Variants in PDE4D observed in about 807,000 individuals in gnomAD.
PDE4D encodes phosphodiesterase 4D.
In PDE4D, 24 loss-of-function variants were observed where a neutral mutation model predicts 87.4. That is an observed-to-expected ratio of 0.27 (90% CI 0.20 to 0.39). PDE4D has a LOEUF of 0.39. PDE4D is among the 10% of genes least tolerant of loss of function. The pLI is 1.00. For missense variants in PDE4D, 714 were observed against 1,041.0 expected (o/e 0.69, Z 4.32); for synonymous variants, 384 against 383.2 (o/e 1.00, Z -0.02).
chr5:59,649,904 CCTT>C lies in PDE4D; in HGVS notation c.455+243261_455+243263del, dbSNP rs1444738629. On this transcript the variant is annotated intron_variant, in intron 1 of 14. Coordinates refer to ENST00000340635, the MANE Select transcript of PDE4D (RefSeq NM_001104631.2). ...TGTTAAAATGTTGATAGTTTGTGAACCTTTTTTTTTTTTTTTTTTTTTTTTTTT... is the reference window on the plus strand; with the variant it reads ...TGTTAAAATGTTGATAGTTTGTGAACTTTTTTTTTTTTTTTTTTTTTTTTT... Among the ~76,000 whole-genome samples, 544 of 73,962 alleles carry C rather than the reference CCTT, an allele frequency of 7.4e-3. 134 individuals are homozygous for C. The highest frequency in any genetic ancestry group is 0.025 in the African/African-American group (475 of 19,064). The allele number at this position is 73,962 out of a possible 152,430, so 48.5% of individuals were successfully genotyped here.
chr5:59,210,814 G>A (rs61584344), intron 2 of PDE4D, among the ~76,000 whole-genome samples: 20,703 of 152,104 alleles, frequency 0.14, 2,335 homozygotes, highest in African/African-American at 0.31. Context: ...AGTTATCCAG[G>A]TGAATTGAGT....
At chr5:59,051,289 A>G (rs767521384) in intron 5 of PDE4D, among the ~76,000 whole-genome samples, 2 of 152,172 alleles carry the variant, frequency 1.3e-5, no homozygotes, top group South Asian at 2.1e-4. Context: ...AGGAGAATCA[A>G]TTGAACCCTG....
chr5:60,173,542 T>C (rs1358936296), intron 2 of PDE4D, among the ~76,000 whole-genome samples: 3 of 151,968 alleles, frequency 2.0e-5, no homozygotes, highest in African/African-American at 7.3e-5. Flanking sequence ...TTATGAATGA[T>C]GGCTGTAACA....
chr5:60,466,892 C>A (rs1363267041), intron 1 of PDE4D, among the ~76,000 whole-genome samples: 1 of 151,820 alleles, frequency 6.6e-6, no homozygotes, highest in Non-Finnish European at 1.5e-5. Context: ...CAGCCCACCC[C>A]CACCCAGTAT....
At chr5:59,046,398 AAGAG>A (rs1464687103) in intron 5 of PDE4D, among the ~76,000 whole-genome samples, 3 of 149,294 alleles carry the variant, frequency 2.0e-5, no homozygotes, top group East Asian at 2.1e-4. Context: ...AAGGGCATGA[AAGAG>A]TGAGAGAGAG....
chr5:59,167,230 C>T (rs76838632), intron 5 of PDE4D, among the ~76,000 whole-genome samples: 3,381 of 152,270 alleles, frequency 0.022, 127 homozygotes, highest in African/African-American at 0.077. Context: ...CCCCAATTTT[C>T]TGACCCCTGA....
At chr5:59,300,746 C>G (rs1770067117) in intron 1 of PDE4D, among the ~76,000 whole-genome samples, 1 of 152,050 alleles carries the variant, frequency 6.6e-6, no homozygotes, top group Non-Finnish European at 1.5e-5. Flanking sequence ...CGCTGTCTAC[C>G]TGGAGATAAT....
Position 59,038,453 on chromosome 5 carries a change from T to G in PDE4D, c.921+406A>C, listed in dbSNP as rs111793175. On this transcript the variant is annotated intron_variant, in intron 6 of 14. Transcript: ENST00000340635. ...ATTAGGGTGAAGGTTCCAAGTTCGA[T>G]GAACTCTTCTGAGTTTGAGTGCCCT... Among the ~76,000 whole-genome samples, 541 of 152,314 alleles carry G rather than the reference T, an allele frequency of 3.6e-3. 5 individuals carry two copies. The highest frequency in any genetic ancestry group is 0.012 in the African/African-American group (517 of 41,572).
At chr5:59,163,355 T>C (rs927935288) in intron 5 of PDE4D, among the ~76,000 whole-genome samples, 3 of 150,096 alleles carry the variant, frequency 2.0e-5, no homozygotes, top group African/African-American at 7.4e-5. Context: ...CACCACAACC[T>C]CTGCCTCCCA....
chr5:59,656,495 T>C (rs1171646634), intron 1 of PDE4D, among the ~76,000 whole-genome samples: 1 of 152,232 alleles, frequency 6.6e-6, no homozygotes, highest in African/African-American at 2.4e-5. Flanking sequence ...CCACGTGTCA[T>C]GTGGCTGACC....
At chr5:59,458,774 G>A (rs1177455676) in intron 1 of PDE4D, among the ~76,000 whole-genome samples, 1 of 152,172 alleles carries the variant, frequency 6.6e-6, no homozygotes, top group Non-Finnish European at 1.5e-5. Context: ...AACTGACATA[G>A]TTCTGTCAGT....
At chr5:59,879,301 T>A (rs1299317750) in intron 1 of PDE4D, among the ~76,000 whole-genome samples, 1 of 152,206 alleles carries the variant, frequency 6.6e-6, no homozygotes, top group Non-Finnish European at 1.5e-5. Context: ...TTAAGGAATC[T>A]TTAGCAAAGC....
chr5:60,322,783 T>C (rs1756434486), intron 1 of PDE4D, among the ~76,000 whole-genome samples: 1 of 152,232 alleles, frequency 6.6e-6, no homozygotes, highest in African/African-American at 2.4e-5. Flanking sequence ...TTATAAGTTT[T>C]GTCTCTCTGT....
chr5:59,996,720 T>A (rs1763558312), intron 2 of PDE4D, among the ~76,000 whole-genome samples: 1 of 152,194 alleles, frequency 6.6e-6, no homozygotes, highest in Non-Finnish European at 1.5e-5. Flanking sequence ...GCAATAAACA[T>A]CCTGTCCTTT....
chr5:59,941,806 C>A (rs1023354753), intron 3 of PDE4D, among the ~76,000 whole-genome samples: 9 of 152,140 alleles, frequency 5.9e-5, no homozygotes, highest in Admixed American at 3.9e-4. Flanking sequence ...CCTCAGGAGG[C>A]CAGGCAAGGA....
intron 11 of PDE4D, among the ~76,000 whole-genome samples, chr5:58,980,859 C>T (rs938609624): frequency 6.6e-6 from 1 of 152,062 alleles, no homozygotes; most frequent in Non-Finnish European, 1.5e-5. Context: ...GGAATTGGCT[C>T]AGGCAATTAT....
intron 2 of PDE4D, among the ~76,000 whole-genome samples, chr5:60,004,891 T>A (rs1387757800): frequency 6.6e-6 from 1 of 152,140 alleles, no homozygotes; most frequent in Non-Finnish European, 1.5e-5. Context: ...GAAAACAGTA[T>A]GAAGATTCCT....
rs553592552 is a variant in PDE4D at position 59,713,940 on chromosome 5, T to C, written c.455+179228A>G. Among the ~76,000 whole-genome samples the C allele has an allele frequency of 2.6e-5, 4 of 152,238 alleles. No individual in the cohort carries two copies. The East Asian group carries it at 5.8e-4, about 22-fold the overall frequency. ...CAGCTACACAGCTTAGAAAAAGAGT[T>C]AGAGGCTGCCATGAATGGGGATCTC... On this transcript the variant is annotated intron_variant, in intron 1 of 14. Transcript: ENST00000340635.
intron 1 of PDE4D, among the ~76,000 whole-genome samples, chr5:60,239,716 G>T (rs949732710): frequency 6.6e-6 from 1 of 151,916 alleles, no homozygotes; most frequent in Non-Finnish European, 1.5e-5. Flanking sequence ...CTTTTAAACT[G>T]AATTTTCTAA....
Sources: allele counts gnomAD v4.1 joint callset (sites outside exome capture counted in the v4.1 genomes callset), GRCh38; gene constraint gnomAD v4.1.1; transcripts MANE v1.5; gene names NCBI Gene and HGNC (gene_info 2026-07-23, HGNC 2026-07-21).